Variants in PLAAT1 observed in about 807,000 individuals in gnomAD.
The protein encoded by PLAAT1 is phospholipase A and acyltransferase 1.
PLAAT1 carries 13 observed loss-of-function variants against 16.4 expected under a neutral mutation model. The ratio of observed to expected loss-of-function variants is 0.79; its 90% CI spans 0.52 to 1.26. The LOEUF (loss-of-function observed/expected upper bound fraction) is 1.26. Among genes scored for constraint, PLAAT1 ranks in the 50% most tolerant of loss-of-function variants. PLAAT1 has a pLI of 0.00. For missense variants in PLAAT1, 218 were observed against 207.8 expected (o/e 1.05, Z -0.30); for synonymous variants, 73 against 78.4 (o/e 0.93, Z 0.36).
chr3:193,252,560 ACAAT>A (rs2108785820), intron 1 of PLAAT1, among the ~76,000 whole-genome samples: 1 of 152,256 alleles, frequency 6.6e-6, no homozygotes, highest in South Asian at 2.1e-4. Flanking sequence ...AATCTTAAGG[ACAAT>A]CAATTTACCA....
chr3:193,246,363 GTATT>G (rs144410693), intron 1 of PLAAT1, among the ~76,000 whole-genome samples: 69,815 of 149,292 alleles, frequency 0.47, 16,604 homozygotes, highest in Admixed American at 0.53. Flanking sequence ...ATTTATTAAT[GTATT>G]TATTTATTTA....
At chr3:193,279,242 A>G (rs1717367670), downstream of PLAAT1, 1 of 727,038 alleles carries the variant, frequency 1.4e-6, no homozygotes, top group Non-Finnish European at 2.3e-6. Context: ...CTTCTAGTAT[A>G]TAGAAATAGC....
intron 1 of PLAAT1, among the ~76,000 whole-genome samples, chr3:193,243,116 T>C (rs1326958626): frequency 2.0e-5 from 3 of 152,232 alleles, no homozygotes; most frequent in African/African-American, 7.2e-5. Context: ...AAATTTCTTA[T>C]ACAAAGATTA....
At chr3:193,259,835 C>T (rs1387189741) in intron 2 of PLAAT1, among the ~76,000 whole-genome samples, 1 of 152,060 alleles carries the variant, frequency 6.6e-6, no homozygotes. Flanking sequence ...TTCTATCAAG[C>T]TACCAATGCC....
At chr3:193,271,041 G>A (rs1203392776), downstream of PLAAT1, among the ~76,000 whole-genome samples, 1 of 152,196 alleles carries the variant, frequency 6.6e-6, no homozygotes. Flanking sequence ...AGGCATGAAA[G>A]ACTATTTATA....
Position 193,263,232 on chromosome 3 carries a change from G to A in PLAAT1, c.402G>A (p.Glu134=), listed in dbSNP as rs1716655245. The A allele has an allele frequency of 1.2e-6, 2 of 1,613,156 alleles. No homozygotes were observed. The highest frequency in any genetic ancestry group is 2.7e-5 in the African/African-American group (2 of 74,852). The part of the protein sequence containing the change: ...TLLRYGEGVS[E]QANRAISTVE... ...TTCGCTATGGAGAAGGAGTTTCAGAGCAGGTAAGTTTTCTTTAGGAGATAT... is the reference window on the plus strand; with the variant it reads ...TTCGCTATGGAGAAGGAGTTTCAGAACAGGTAAGTTTTCTTTAGGAGATAT... The change falls in exon 3 of 4, where the codon GAG becomes GAA. Residue 134 remains glutamate (E), a synonymous_variant. Coordinates refer to ENST00000264735, the MANE Select transcript of PLAAT1 (RefSeq NM_020386.5).
intron 2 of PLAAT1, among the ~76,000 whole-genome samples, chr3:193,259,746 A>G (rs1212600822): frequency 1.4e-4 from 21 of 152,200 alleles, no homozygotes; most frequent in Admixed American, 1.4e-3. Flanking sequence ...AGATGGAAAA[A>G]CATTCCATGC....
intron 1 of PLAAT1, among the ~76,000 whole-genome samples, chr3:193,246,064 A>G (rs1400684714): frequency 3.9e-5 from 6 of 152,136 alleles, no homozygotes; most frequent in Non-Finnish European, 7.3e-5. Context: ...CTTCTTGCCT[A>G]ATTGCTCTAG....
chr3:193,245,623 C>T (rs920535876), intron 1 of PLAAT1, among the ~76,000 whole-genome samples: 1 of 152,140 alleles, frequency 6.6e-6, no homozygotes, highest in African/African-American at 2.4e-5. Context: ...ATACTATTTT[C>T]CAAAATGGCT....
chr3:193,277,178 T>A (rs1560109324), intron 2 of PLAAT1, among the ~76,000 whole-genome samples: 1 of 152,196 alleles, frequency 6.6e-6, no homozygotes. Flanking sequence ...ATTAAATCAT[T>A]CATCAAATAA....
Position 193,270,640 on chromosome 3 carries a change from G to C in PLAAT1, c.442G>C (p.Ala148Pro), listed in dbSNP as rs766313662. 7 of 1,613,450 alleles carry C rather than the reference G, an allele frequency of 4.3e-6. No individual in the cohort carries two copies. In the African/African-American group the frequency reaches 9.3e-5, roughly 22 times the overall value. ...GATAAGTACCGTTGAGTTTGTGACA[G>C]CTGCTGTTGGTGTCTTCTCATTCCT... is the stretch of plus-strand genomic sequence containing the variant. ...RAISTVEFVT[A>P]AVGVFSFLGL... is the part of the protein sequence containing the mutation. Residue 148 changes from alanine to proline, a missense_variant, in exon 4 of 4, where the codon GCT (alanine) becomes CCT (proline). Transcript: ENST00000264735.
intron 2 of PLAAT1, among the ~76,000 whole-genome samples, chr3:193,262,507 G>A (rs751841363): frequency 4.6e-5 from 7 of 152,070 alleles, no homozygotes; most frequent in Non-Finnish European, 1.0e-4. Context: ...GACGCTTAGG[G>A]AGCTTAGATA....
downstream of PLAAT1, among the ~76,000 whole-genome samples, chr3:193,275,675 C>CTT (rs1300057457): frequency 6.6e-6 from 1 of 152,156 alleles, no homozygotes; most frequent in Non-Finnish European, 1.5e-5. Context: ...TAAAAGGTGT[C>CTT]TAAGCGTTTG....
In PLAAT1 at chr3:193,241,380, TG is replaced by T; in HGVS notation, c.-152del. 8.1e-7 allele frequency: 1 copy of T among 1,231,684 alleles called. No individual in the cohort carries two copies. Among genetic ancestry groups the T allele is most frequent in the Non-Finnish European group, 1.0e-6 (1 of 987,964 alleles). The allele number at this position is 1,231,684 out of a possible 1,614,324, so 76.3% of individuals were successfully genotyped here. On this transcript the variant is annotated 5_prime_UTR_variant, in exon 1 of 4. An upstream open reading frame in the 5' UTR gains an earlier in-frame stop. Transcript: ENST00000264735. ...GGCCCTGGAGGACGGCCCCGAGTGA[TG>T]GCTGGCGCCTGCCTCCCGGGTGTCT...
At chr3:193,270,886 C>G (rs1716964767), downstream of PLAAT1, 2 of 1,283,176 alleles carry the variant, frequency 1.6e-6, no homozygotes, top group African/African-American at 3.0e-5. Context: ...TTTTCCCCTG[C>G]TAGCATAGAT....
downstream of PLAAT1, chr3:193,275,228 A>G (rs763010295): frequency 4.1e-5 from 66 of 1,614,056 alleles, no homozygotes; most frequent in East Asian, 1.8e-4. Context: ...GCCAAGTCCT[A>G]TATTGACTTT....
chr3:193,257,465 A>G (rs893743661), intron 2 of PLAAT1, among the ~76,000 whole-genome samples: 3 of 152,220 alleles, frequency 2.0e-5, no homozygotes, highest in Admixed American at 2.0e-4. Context: ...GCTTAGTCAT[A>G]AAGCAAGTCT....
intron 2 of PLAAT1, among the ~76,000 whole-genome samples, chr3:193,276,433 C>A (rs1717204775): frequency 6.6e-6 from 1 of 152,206 alleles, no homozygotes; most frequent in Non-Finnish European, 1.5e-5. Flanking sequence ...GTTGGAAGGT[C>A]ACCTGGTCTA....
intron 2 of PLAAT1, chr3:193,276,879 G>GA (rs1385995681): frequency 7.9e-7 from 1 of 1,269,312 alleles, no homozygotes; most frequent in Non-Finnish European, 1.1e-6. Flanking sequence ...TTCACACTTT[G>GA]AAAAAAGACC....
Sources: gnomAD v4.1 joint callset for allele counts (sites outside exome capture counted in the v4.1 genomes callset) on GRCh38, gnomAD v4.1.1 for gene constraint, MANE v1.5 for transcripts, NCBI Gene and HGNC (gene_info 2026-07-23, HGNC 2026-07-21) for gene names.